The following IMPA1 variants were observed in gnomAD, a reference collection of about 807,000 sequenced individuals.
IMPA1 encodes the protein inositol monophosphatase 1.
IMPA1 carries 21 observed loss-of-function variants against 34.9 expected under a neutral mutation model. The observed-to-expected ratio is 0.60, with a 90% CI of 0.43 to 0.87. IMPA1 has a LOEUF of 0.87. Ranked by LOEUF, IMPA1 falls within the 40% of genes least tolerant of loss-of-function variation. The probability of loss-of-function intolerance (pLI) is 0.00; values close to 1 mark genes in which losing one functional copy is unlikely to be tolerated. For missense variants in IMPA1, 299 were observed against 336.4 expected, an observed-to-expected ratio of 0.89 and a Z score of 0.87; for synonymous variants, 95 against 104.4, an observed-to-expected ratio of 0.91 and a Z score of 0.55.
chr8:81,664,176 TA>T (rs1466230921), intron 7 of IMPA1, among the ~76,000 whole-genome samples: 2 of 152,204 alleles, frequency 1.3e-5, no homozygotes, highest in Admixed American at 6.5e-5. Context: ...CTTCATTTAT[TA>T]AACTGTCATT....
intron 1 of IMPA1, chr8:81,685,920 T>TA (rs1171240843): frequency 6.5e-6 from 10 of 1,542,736 alleles, no homozygotes; most frequent in Admixed American, 6.0e-5. Context: ...CCCCATCACT[T>TA]AGAGTGACTA....
intron 8 of IMPA1, among the ~76,000 whole-genome samples, chr8:81,660,293 C>T (rs1312734584): frequency 3.9e-5 from 6 of 152,178 alleles, no homozygotes; most frequent in African/African-American, 1.4e-4. Context: ...GAAACTCACA[C>T]TAGAAAAGGA....
chr8:81,675,801 T>C (rs966437209), intron 5 of IMPA1, among the ~76,000 whole-genome samples: 1 of 152,210 alleles, frequency 6.6e-6, no homozygotes, highest in Non-Finnish European at 1.5e-5. Context: ...TGTAGGTTCC[T>C]AAAGAGAGTC....
At chr8:81,670,016 T>A (rs375553196) in intron 7 of IMPA1, among the ~76,000 whole-genome samples, 1 of 152,234 alleles carries the variant, frequency 6.6e-6, no homozygotes. Context: ...CTACAAAGAA[T>A]CCAGCAAGAA....
intron 1 of IMPA1, among the ~76,000 whole-genome samples, chr8:81,682,489 G>C (rs1014337849): frequency 1.3e-4 from 20 of 152,166 alleles, no homozygotes; most frequent in African/African-American, 4.6e-4. Flanking sequence ...GAGTGGAAAG[G>C]AGGGCAAAAG....
At chr8:81,662,702 T>C (rs1806713381) in intron 7 of IMPA1, among the ~76,000 whole-genome samples, 1 of 152,230 alleles carries the variant, frequency 6.6e-6, no homozygotes, top group South Asian at 2.1e-4. Flanking sequence ...TAGACAAATG[T>C]ACTAATGACT....
chr8:81,678,370 A>C (rs1260556713), intron 4 of IMPA1, among the ~76,000 whole-genome samples: 2 of 152,206 alleles, frequency 1.3e-5, no homozygotes, highest in African/African-American at 2.4e-5. Context: ...TCAGTTTATA[A>C]TTTTTTAAAT....
rs1244247569 is a variant in IMPA1 at position 81,679,193 on chromosome 8, T to C, written c.235A>G (p.Ser79Gly). The C allele has an allele frequency of 6.2e-7, 1 of 1,612,864 alleles. No homozygotes were observed. Among genetic ancestry groups the C allele is most frequent in the Admixed American group, 1.7e-5 (1 of 60,000 alleles). The change falls in exon 4 of 9, where the codon AGT becomes GGT. Residue 79 changes from serine to glycine, a missense_variant. Ser to Gly is a moderately conservative substitution (Grantham distance 56, BLOSUM62 0). Coordinates refer to ENST00000256108, the MANE Select transcript of IMPA1 (RefSeq NM_005536.4). ...GEESVAAGEK[S>G]ILTDNPTWII... is the part of the protein sequence containing the mutation. ...CATGTGGGGTTGTCGGTTAAGATAC[T>C]TTTTTCCCCAGCTGCCACAGATTCT...
chr8:81,662,502 C>T (rs1386481841), intron 7 of IMPA1, among the ~76,000 whole-genome samples: 2 of 152,164 alleles, frequency 1.3e-5, no homozygotes, highest in African/African-American at 4.8e-5. Flanking sequence ...TACTTAACTA[C>T]CAGATAATTA....
intron 7 of IMPA1, among the ~76,000 whole-genome samples, chr8:81,662,521 G>A (rs1806708617): frequency 6.6e-6 from 1 of 152,184 alleles, no homozygotes; most frequent in Non-Finnish European, 1.5e-5. Flanking sequence ...TAAGACTATG[G>A]TGTAGATTCT....
intron 6 of IMPA1, 99 bp downstream of exon 6, chr8:81,673,742 A>G (rs1807055541): frequency 4.4e-6 from 3 of 675,468 alleles, no homozygotes; most frequent in Non-Finnish European, 7.8e-6. Context: ...CAATTTATGA[A>G]TCAGTTAACA....
Position 81,684,552 on chromosome 8 carries a change from T to A in IMPA1, c.-25+1700A>T, listed in dbSNP as rs1019691778. Among the ~76,000 whole-genome samples, 15 of 110,748 alleles carry A rather than the reference T, an allele frequency of 1.4e-4. No homozygotes were observed. In the East Asian group the frequency reaches 6.1e-3, roughly 45 times the overall value. 72.7% of individuals were successfully genotyped at this position (110,748 alleles called of 152,430 possible). A position where few individuals can be genotyped will look rare whatever the true frequency, so the allele number is the denominator to read the frequency against. The stretch of plus-strand genomic sequence containing the variant: ...TATATATACTACACATAAGTATCTT[T>A]AGATACTAATGTGTAGTATATATAC... On this transcript the variant is annotated intron_variant, in intron 1 of 8. Coordinates refer to ENST00000256108, the MANE Select transcript of IMPA1 (RefSeq NM_005536.4).
chr8:81,680,541 C>G (rs1721225190), intron 3 of IMPA1, 109 bp downstream of exon 3: 3 of 796,408 alleles, frequency 3.8e-6, no homozygotes, highest in Admixed American at 2.9e-5. Context: ...TTGACTGTAA[C>G]TTCATGGAAG....
At chr8:81,661,493 A>G (rs1806670742) in intron 7 of IMPA1, among the ~76,000 whole-genome samples, 1 of 152,248 alleles carries the variant, frequency 6.6e-6, no homozygotes, top group Admixed American at 6.5e-5. Context: ...CCAAAAATCC[A>G]TGATCCAAAT....
At chr8:81,685,759 T>A in intron 1 of IMPA1, 2 of 1,525,606 alleles carry the variant, frequency 1.3e-6, no homozygotes, top group South Asian at 2.5e-5. Flanking sequence ...CGTAGTTTAC[T>A]CACTTTCATT....
chr8:81,660,676 T>G lies in IMPA1; in HGVS notation c.567-9A>C. 3 of 1,584,230 alleles carry G rather than the reference T, an allele frequency of 1.9e-6. 1 individual carries two copies. In the Middle Eastern group the frequency reaches 5.1e-4, roughly 267 times the overall value. Reference sequence around the variant, plus strand: ...TTCCAACACTCCGGATCCTAACAAATAGAATTTAGAAATAAAATTGGAAAA... The same window carrying G: ...TTCCAACACTCCGGATCCTAACAAAGAGAATTTAGAAATAAAATTGGAAAA... On this transcript the variant is annotated splice_polypyrimidine_tract_variant and intron_variant, in intron 7 of 8. Coordinates refer to ENST00000256108, the MANE Select transcript of IMPA1 (RefSeq NM_005536.4).
chr8:81,684,442 T>C (rs914257242), intron 1 of IMPA1, among the ~76,000 whole-genome samples: 1 of 142,852 alleles, frequency 7.0e-6, no homozygotes, highest in African/African-American at 2.6e-5. Context: ...TAAGTATATT[T>C]AGATACTATA....
chr8:81,680,133 TAAAAA>T (rs60772020), intron 3 of IMPA1, among the ~76,000 whole-genome samples: 1 of 132,148 alleles, frequency 7.6e-6, no homozygotes, highest in African/African-American at 2.7e-5. Flanking sequence ...TGTCTCCGTC[TAAAAA>T]AAAAAAAAAA....
At position 81,657,182 on chromosome 8, in the gene IMPA1, G is replaced by A. The variant is rs1390605820; in HGVS notation, c.*2169C>T. Among the ~76,000 whole-genome samples the A allele has an allele frequency of 6.6e-6, 1 of 152,062 alleles. No individual in the cohort carries two copies. Among genetic ancestry groups the A allele is most frequent in the Non-Finnish European group, 1.5e-5 (1 of 68,008 alleles). On this transcript the variant is annotated 3_prime_UTR_variant, in exon 9 of 9. Coordinates refer to ENST00000256108, the MANE Select transcript of IMPA1 (RefSeq NM_005536.4). ...AGAATAAACAGATGGAAAAGCTATTGTAGAAAAAAATATAGGTTTTTAGAA... is the reference window on the plus strand; with the variant it reads ...AGAATAAACAGATGGAAAAGCTATTATAGAAAAAAATATAGGTTTTTAGAA...
Sources: gnomAD v4.1 joint callset for allele counts (sites outside exome capture counted in the v4.1 genomes callset) on GRCh38, gnomAD v4.1.1 for gene constraint, MANE v1.5 for transcripts, NCBI Gene and HGNC (gene_info 2026-07-23, HGNC 2026-07-21) for gene names.